The following JADE2 variants were observed in gnomAD, a reference collection of about 807,000 sequenced individuals.
The protein encoded by JADE2 is jade family PHD finger 2.
A neutral mutation model predicts 85.7 loss-of-function variants in JADE2; 13 were observed. The ratio of observed to expected loss-of-function variants is 0.15; its 90% CI spans 0.10 to 0.24. JADE2 has a LOEUF of 0.24. JADE2 is among the 10% of genes least tolerant of loss of function. The pLI is 1.00. For synonymous variants in JADE2, 440 were observed against 456.1 expected (o/e 0.96, Z 0.45); for missense variants, 846 against 1,115.9 (o/e 0.76, Z 3.45).
Position 134,579,209 on chromosome 5 carries a change from T to A in JADE2, c.2397T>A (p.Asp799Glu). 1 of 1,614,168 alleles carries A rather than the reference T, an allele frequency of 6.2e-7. No individual in the cohort carries two copies. Among genetic ancestry groups the A allele is most frequent in the Non-Finnish European group, 8.5e-7 (1 of 1,180,010 alleles). Reference sequence around the variant, plus strand: ...CTGAGACTGATGGCTACTTCTCTGATGGGGAGATGAGCGACTCAGATGTAG... The same window carrying A: ...CTGAGACTGATGGCTACTTCTCTGAAGGGGAGATGAGCGACTCAGATGTAG... ...FDTETDGYFS[D>E]GEMSDSDVEA... The change falls in exon 12 of 12, where the codon GAT (aspartate) becomes GAA (glutamate). Residue 799 changes from aspartate (D) to glutamate (E), a missense_variant. By Grantham distance (45) the Asp-to-Glu change is conservative. Coordinates refer to ENST00000681547, the MANE Select transcript of JADE2 (RefSeq NM_001388185.1). The surrounding 1 kb of genome is among the most constrained non-coding windows in gnomAD (Gnocchi z 4.6).
At chr5:134,525,645 A>T, upstream of JADE2, 1 of 1,151,032 alleles carries the variant, frequency 8.7e-7, no homozygotes, top group Non-Finnish European at 1.1e-6. Context: ...AGAGATCACA[A>T]GGAAGTCTTG....
Position 134,566,056 on chromosome 5 carries a change from G to C in JADE2, c.970-60G>C. On this transcript the variant is annotated intron_variant, in intron 8 of 11. Transcript: ENST00000681547. This position sits in a 1 kb window ranked among gnomAD's most constrained non-coding sequence, Gnocchi z 6.7. ...GTAGAGCCCTGGGGGAAGCCCCTCT[G>C]TCTTCTCCCCTCCCACCAGGCTCCC... 3 of 1,452,164 alleles carry C rather than the reference G, an allele frequency of 2.1e-6. No homozygotes were observed. Among genetic ancestry groups the C allele is most frequent in the Non-Finnish European group, 2.9e-6 (3 of 1,049,928 alleles). 90.0% of individuals were successfully genotyped at this position (1,452,164 alleles called of 1,614,324 possible).
At chr5:134,550,609 A>G (rs1226331902) in intron 3 of JADE2, among the ~76,000 whole-genome samples, 2 of 152,210 alleles carry the variant, frequency 1.3e-5, no homozygotes, top group Non-Finnish European at 2.9e-5. Context: ...AATGACGGTG[A>G]TCACTGGGAA....
At chr5:134,541,699 G>A (rs759881986) in intron 3 of JADE2, among the ~76,000 whole-genome samples, 1 of 152,198 alleles carries the variant, frequency 6.6e-6, no homozygotes, top group Non-Finnish European at 1.5e-5. Context: ...CTCTAAATGT[G>A]GGCAATGATG....
rs1486819806 is a variant in JADE2 at position 134,579,251 on chromosome 5, G to T, written c.2439G>T (p.Gly813=). Residue 813 remains glycine, a synonymous_variant, in exon 12 of 12, where the codon GGG becomes GGT. Coordinates refer to ENST00000681547, the MANE Select transcript of JADE2 (RefSeq NM_001388185.1). The surrounding 1 kb of genome is among the most constrained non-coding windows in gnomAD (Gnocchi z 4.6). The part of the protein sequence containing the change: ...SDSDVEAEDG[G]VQRGPREAGA... ...CAGATGTAGAGGCCGAGGACGGTGG[G>T]GTGCAGCGGGGTCCCCGGGAGGCAG... The T allele has an allele frequency of 6.2e-7, 1 of 1,613,908 alleles. No individual in the cohort carries two copies.
At chr5:134,548,434 G>A (rs1019748393) in intron 3 of JADE2, among the ~76,000 whole-genome samples, 1 of 152,118 alleles carries the variant, frequency 6.6e-6, no homozygotes, top group Non-Finnish European at 1.5e-5. Flanking sequence ...TGGGTGGAGG[G>A]GCTAATAATA....
In JADE2 at chr5:134,578,742, C is replaced by T. The variant is rs750930808; in HGVS notation, c.1930C>T (p.Leu644=). ...PARKARGRTR[L]PAKKKPPPPP... ...TAGGAAGGCCCGAGGCCGCACCCGC[C>T]TGCCTGCCAAGAAGAAACCACCACC... Residue 644 remains leucine (L), a synonymous_variant, in exon 12 of 12, where the codon CTG becomes TTG. Transcript: ENST00000681547. This position sits in a 1 kb window ranked among gnomAD's most constrained non-coding sequence, Gnocchi z 4.4. 12 of 1,613,530 alleles carry T rather than the reference C, an allele frequency of 7.4e-6. No homozygotes were observed. The highest frequency in any genetic ancestry group is 8.5e-6 in the Non-Finnish European group (10 of 1,179,986).
chr5:134,569,825 G>A (rs572507213), intron 9 of JADE2, among the ~76,000 whole-genome samples: 1 of 152,144 alleles, frequency 6.6e-6, no homozygotes, highest in Non-Finnish European at 1.5e-5. Context: ...GGCAGCTCCA[G>A]CCTGCAGACC....
At chr5:134,573,134 G>A (rs1764143085) in intron 9 of JADE2, among the ~76,000 whole-genome samples, 1 of 152,230 alleles carries the variant, frequency 6.6e-6, no homozygotes, top group Admixed American at 6.5e-5. Flanking sequence ...TGTGGCTCAG[G>A]ACAAGTGTTA....
chr5:134,563,367 TG>T (rs1430630728), intron 7 of JADE2, among the ~76,000 whole-genome samples: 10 of 149,646 alleles, frequency 6.7e-5, no homozygotes, highest in African/African-American at 2.5e-4. Context: ...AGTTGGCTAG[TG>T]GGCCTGCTGC....
At chr5:134,571,385 G>A (rs574270652) in intron 9 of JADE2, among the ~76,000 whole-genome samples, 2 of 152,352 alleles carry the variant, frequency 1.3e-5, no homozygotes, top group Admixed American at 6.5e-5. Context: ...GAGAAGGGAA[G>A]TGTCTCACTA....
intron 1 of JADE2, chr5:134,533,613 C>T: frequency 3.1e-6 from 3 of 981,808 alleles, no homozygotes; most frequent in African/African-American, 1.7e-5. Flanking sequence ...TTAGCACCTC[C>T]CCCCCACTCC....
intron 3 of JADE2, among the ~76,000 whole-genome samples, chr5:134,546,143 G>A (rs1318150758): frequency 1.3e-5 from 2 of 151,248 alleles, no homozygotes; most frequent in Non-Finnish European, 2.9e-5. Flanking sequence ...CAAGCATTTC[G>A]TTTTTTGTTT....
chr5:134,561,476 C>T (rs1444331151), intron 6 of JADE2, among the ~76,000 whole-genome samples: 1 of 152,186 alleles, frequency 6.6e-6, no homozygotes, highest in Non-Finnish European at 1.5e-5. Context: ...ATGTATTTGT[C>T]ACCATTACTG....
At chr5:134,553,632 G>A (rs578063650) in intron 4 of JADE2, among the ~76,000 whole-genome samples, 12 of 152,342 alleles carry the variant, frequency 7.9e-5, no homozygotes, top group Admixed American at 1.3e-4. Flanking sequence ...GATTGCAGGC[G>A]TGAGCCACTG....
At chr5:134,537,962 C>T in intron 2 of JADE2, 27 bp from the exon 3 acceptor site, 1 of 1,578,834 alleles carries the variant, frequency 6.3e-7, no homozygotes, top group Non-Finnish European at 8.7e-7. Context: ...CCTCCAGGAC[C>T]CCTAATGGAC....
chr5:134,559,560 G>A (rs542710100), intron 4 of JADE2, among the ~76,000 whole-genome samples: 54 of 152,338 alleles, frequency 3.5e-4, no homozygotes, highest in East Asian at 7.7e-4. Flanking sequence ...GCAAGGCTGC[G>A]GATCAGCCCT....
rs140246174 is a variant in JADE2 at position 134,531,674 on chromosome 5, C to T, written c.1-4184C>T. Among the ~76,000 whole-genome samples, 832 of 152,026 alleles carry T rather than the reference C, an allele frequency of 5.5e-3. 3 individuals carry two copies. The highest frequency in any genetic ancestry group is 0.019 in the African/African-American group (788 of 41,418). On this transcript the variant is annotated intron_variant, in intron 1 of 11. Transcript: ENST00000681547. ...CTCGGCTCACTGCAACCTCTGTCTC[C>T]CAGGTTCAAGCAATTCTCTTGCCTC...
At chr5:134,560,117 G>A (rs1763237439) in intron 5 of JADE2, 127 bp downstream of exon 5, 1 of 1,055,520 alleles carries the variant, frequency 9.5e-7, no homozygotes, top group African/African-American at 1.6e-5. Context: ...TCTCCATACT[G>A]CATTACTGAA....
Sources: gnomAD v4.1 joint callset for allele counts (sites outside exome capture counted in the v4.1 genomes callset) on GRCh38, gnomAD v4.1.1 for gene constraint, Gnocchi (gnomAD v3.1) non-coding constraint, MANE v1.5 for transcripts, NCBI Gene and HGNC (gene_info 2026-07-23, HGNC 2026-07-21) for gene names.